Variants in NPAS3 observed in about 807,000 individuals in gnomAD.
NPAS3 encodes the protein neuronal PAS domain-containing protein 3.
NPAS3 carries 14 observed loss-of-function variants against 73.1 expected under a neutral mutation model. That is an observed-to-expected ratio of 0.19 (90% CI 0.13 to 0.30). NPAS3 has a LOEUF of 0.30. Among genes scored for constraint, NPAS3 ranks in the 10% least tolerant of loss-of-function variants. The probability of loss-of-function intolerance (pLI) is 1.00; values close to 1 mark genes in which losing one functional copy is unlikely to be tolerated. For synonymous variants in NPAS3, 620 were observed against 541.5 expected, an observed-to-expected ratio of 1.14 and a Z score of -2.01; for missense variants, 1,096 against 1,250.0, an observed-to-expected ratio of 0.88 and a Z score of 1.86.
chr14:33,520,931 G>A (rs1222346875), intron 4 of NPAS3, among the ~76,000 whole-genome samples: 4 of 152,052 alleles, frequency 2.6e-5, no homozygotes, highest in South Asian at 2.1e-4. Context: ...AATGATAATC[G>A]GATGATAATG....
At chr14:33,459,195 G>C (rs2050150039) in intron 4 of NPAS3, among the ~76,000 whole-genome samples, 3 of 152,088 alleles carry the variant, frequency 2.0e-5, no homozygotes, top group Admixed American at 2.0e-4. Context: ...GTTTTGGCCG[G>C]CTTCTTCACT....
exon 7 of NPAS3, chr14:33,735,305 T>C: frequency 6.2e-7 from 1 of 1,613,422 alleles, no homozygotes; most frequent in South Asian, 1.1e-5. Context: ...CCAAACGCGG[T>C]GTGCACATCA....
chr14:33,785,434 C>CAA (rs1223437695), intron 9 of NPAS3, among the ~76,000 whole-genome samples: 17,608 of 75,108 alleles, frequency 0.23, 1,815 homozygotes, highest in Admixed American at 0.29. Context: ...GACTCCATCT[C>CAA]AAAAAAAAAA....
At chr14:33,307,612 T>TGTGTGTGTGTGTG (rs9322923) in intron 3 of NPAS3, among the ~76,000 whole-genome samples, 4 of 149,692 alleles carry the variant, frequency 2.7e-5, no homozygotes, top group Non-Finnish European at 5.9e-5. Flanking sequence ...TGTGTGTGTG[T>TGTGTGTGTGTGTG]TCGTGTGCGT....
chr14:33,516,916 C>G (rs1262737573), intron 4 of NPAS3, among the ~76,000 whole-genome samples: 3 of 152,054 alleles, frequency 2.0e-5, no homozygotes, highest in Non-Finnish European at 4.4e-5. Flanking sequence ...AGAAATTTCT[C>G]CCTTCTCTAA....
rs536179691 is a variant in NPAS3, at chr14:33,461,226, A to G, written c.468+93958A>G. 1.3e-4 allele frequency among the ~76,000 whole-genome samples: 20 copies of G among 152,314 alleles called. 1 individual carries two copies. The highest frequency in any genetic ancestry group is 1.2e-3 in the Admixed American group (19 of 15,288). On this transcript the variant is annotated intron_variant, in intron 4 of 11. Transcript: ENST00000356141. ...TATGATCTTTTCCCTTGCCTTTAGG[A>G]ATTCAGTGCTGAGCTAGCCAAAAGA...
chr14:33,800,908 G>A lies in NPAS3; in HGVS notation c.2601G>A (p.Thr867=), dbSNP rs1200113406. ...CCGGCTTTGGCCTCGACCCCAAGACGCCCATGGAGATGCTCTACCACCACG... is the reference window on the plus strand; with the variant it reads ...CCGGCTTTGGCCTCGACCCCAAGACACCCATGGAGATGCTCTACCACCACG... Residue 867 remains threonine, a synonymous_variant, in exon 12 of 12, where the codon ACG becomes ACA. Transcript: ENST00000356141. The surrounding 1 kb of genome is among the most constrained non-coding windows in gnomAD (Gnocchi z 6.5). 1.9e-6 allele frequency: 3 copies of A among 1,608,492 alleles called. No individual in the cohort carries two copies. Among genetic ancestry groups the A allele is most frequent in the East Asian group, 2.3e-5 (1 of 44,426 alleles).
chr14:33,579,677 T>C (rs951179622), intron 5 of NPAS3, among the ~76,000 whole-genome samples: 1 of 152,122 alleles, frequency 6.6e-6, no homozygotes, highest in African/African-American at 2.4e-5. Context: ...CAACATGTAC[T>C]AGGCATCTAC....
At chr14:33,088,759 AC>A (rs1474412023) in intron 2 of NPAS3, among the ~76,000 whole-genome samples, 3 of 152,186 alleles carry the variant, frequency 2.0e-5, no homozygotes, top group African/African-American at 7.2e-5. Flanking sequence ...GAGTAGCCTA[AC>A]TGGGAGGAAC....
chr14:33,014,466 C>T (rs2039324990), intron 1 of NPAS3, among the ~76,000 whole-genome samples: 1 of 152,080 alleles, frequency 6.6e-6, no homozygotes, highest in African/African-American at 2.4e-5. Flanking sequence ...TTATACCATT[C>T]ATTTGAACTA....
chr14:33,468,041 A>G (rs2139572899), intron 4 of NPAS3, among the ~76,000 whole-genome samples: 1 of 152,346 alleles, frequency 6.6e-6, no homozygotes, highest in East Asian at 1.9e-4. Flanking sequence ...ACACCATCTA[A>G]TAGGGTCATC....
At chr14:33,377,164 G>A (rs1357091658) in intron 4 of NPAS3, among the ~76,000 whole-genome samples, 1 of 152,148 alleles carries the variant, frequency 6.6e-6, no homozygotes, top group East Asian at 1.9e-4. Context: ...TGATAACAAT[G>A]TATTTTTACC....
At chr14:33,046,946 C>T (rs1220462768) in intron 1 of NPAS3, among the ~76,000 whole-genome samples, 1 of 152,082 alleles carries the variant, frequency 6.6e-6, no homozygotes, top group Non-Finnish European at 1.5e-5. Flanking sequence ...TGCACTACAG[C>T]CTGGGTGACA....
At chr14:33,762,035 C>A (rs185712471) in intron 7 of NPAS3, among the ~76,000 whole-genome samples, 1 of 152,204 alleles carries the variant, frequency 6.6e-6, no homozygotes, top group Non-Finnish European at 1.5e-5. Flanking sequence ...TAGATCCCAA[C>A]CTGATCTCAT....
At chr14:33,802,978 A>G (rs1396587806), downstream of NPAS3, 1 of 152,164 alleles carries the variant, frequency 6.6e-6, no homozygotes. Flanking sequence ...TAACTAGCTC[A>G]AGGTTAATGG....
chr14:33,289,271 A>T (rs2041999658), intron 3 of NPAS3, among the ~76,000 whole-genome samples: 1 of 152,164 alleles, frequency 6.6e-6, no homozygotes, highest in Non-Finnish European at 1.5e-5. Context: ...AGGCATTCTG[A>T]TTCCAGAGCC....
intron 7 of NPAS3, among the ~76,000 whole-genome samples, chr14:33,771,211 T>A (rs752536780): frequency 1.3e-5 from 2 of 152,222 alleles, no homozygotes; most frequent in African/African-American, 2.4e-5. Flanking sequence ...AAAAAAGCTC[T>A]GTTGGCATTA....
chr14:33,502,617 CCT>C (rs1435413929), intron 4 of NPAS3, among the ~76,000 whole-genome samples: 2 of 143,266 alleles, frequency 1.4e-5, no homozygotes, highest in East Asian at 2.5e-4. Flanking sequence ...TCTGCTTACC[CCT>C]GTTATGAAGT....
chr14:33,222,114 G>GT (rs1310249869), intron 3 of NPAS3, among the ~76,000 whole-genome samples: 1 of 152,128 alleles, frequency 6.6e-6, no homozygotes, highest in African/African-American at 2.4e-5. Context: ...CAAGTCCTGT[G>GT]TGTTCAGATT....
Sources: allele counts gnomAD v4.1 joint callset (sites outside exome capture counted in the v4.1 genomes callset), GRCh38; gene constraint gnomAD v4.1.1; non-coding constraint Gnocchi (gnomAD v3.1); transcripts MANE v1.5; gene names NCBI Gene and HGNC (gene_info 2026-07-23, HGNC 2026-07-21).